The following ZNF229 variants were observed in gnomAD, a reference collection of about 807,000 sequenced individuals.
The protein encoded by ZNF229 is zinc finger protein 229.
A neutral mutation model predicts 11.8 loss-of-function variants in ZNF229; 10 were observed. That is an observed-to-expected ratio of 0.85 (90% CI 0.52 to 1.44). The LOEUF (loss-of-function observed/expected upper bound fraction) is 1.44, where lower values mean the gene tolerates loss of function less well. ZNF229 is among the 40% of genes most tolerant of loss of function. The pLI is 0.00. For missense variants in ZNF229, 1,045 were observed against 1,015.1 expected (o/e 1.03, Z -0.40); for synonymous variants, 368 against 374.8 (o/e 0.98, Z 0.21).
chr19:44,445,219 C>T (rs898517004), intron 2 of ZNF229, among the ~76,000 whole-genome samples: 2 of 152,198 alleles, frequency 1.3e-5, no homozygotes, highest in African/African-American at 4.8e-5. Flanking sequence ...TCCACACCAT[C>T]ATGTCTCACC....
chr19:44,428,675 G>T lies in ZNF229; in HGVS notation c.2106C>A (p.His702Gln), dbSNP rs373616418. The T allele has an allele frequency of 6.2e-7, 1 of 1,610,284 alleles. No homozygotes were observed. Among genetic ancestry groups the T allele is most frequent in the East Asian group, 2.2e-5 (1 of 44,594 alleles). Residue 702 changes from histidine to glutamine, a missense_variant, in exon 6 of 6, where the codon CAC (histidine) becomes CAA (glutamine). His to Gln is a conservative substitution (Grantham distance 24, BLOSUM62 0). Transcript: ENST00000614049. ...GFSYGSNLRT[H>Q]QRLHTGEKPY... ...GTTTCTCTCCTGTGTGCAACCTCTG[G>T]TGGGTGCGAAGATTAGAGCCATAAC...
chr19:44,429,726 T>A lies in ZNF229; in HGVS notation c.1055A>T (p.Asp352Val), dbSNP rs199919052. The A allele has an allele frequency of 2.5e-4, 409 of 1,613,984 alleles. No individual in the cohort carries two copies. The highest frequency in any genetic ancestry group is 3.1e-4 in the Non-Finnish European group (361 of 1,180,032). ...ATACCTGAACCCCTTTCCACAGACA[T>A]CACATCTATAGGGCATGTCTCCCAC... ...APVGDMPYRCDVCGKGFRYKS... is the reference protein window; with the variant it reads ...APVGDMPYRCVVCGKGFRYKS... Residue 352 changes from aspartate (D) to valine (V), a missense_variant, in exon 6 of 6, where the codon GAT (aspartate) becomes GTT (valine). Coordinates refer to ENST00000614049, the MANE Select transcript of ZNF229 (RefSeq NM_014518.4).
intron 5 of ZNF229, 48 bp downstream of exon 5, chr19:44,432,174 T>A (rs761846705): frequency 6.4e-7 from 1 of 1,557,478 alleles, no homozygotes; most frequent in South Asian, 1.2e-5. Flanking sequence ...GCCAAAAATA[T>A]CTTCTCTCCA....
intron 5 of ZNF229, 23 bp downstream of exon 5, chr19:44,432,199 C>G: frequency 6.3e-7 from 1 of 1,599,494 alleles, no homozygotes; most frequent in Non-Finnish European, 8.5e-7. Flanking sequence ...CAAGAACACT[C>G]CAAGAAGTTC....
At position 44,428,256 on chromosome 19, in the gene ZNF229, A is replaced by AGATGGATAGAAAGCTCT. The variant is rs767373168; in HGVS notation, c.*30_*46dup. ...TGGTTTTTCTCCTGTGTTGGCTCTC[A>AGATGGATAGAAAGCTCT]GATGGATAGAAAGCTCTGAGTCCCA... On this transcript the variant is annotated 3_prime_UTR_variant, in exon 6 of 6. Transcript: ENST00000614049. 24 of 1,542,148 alleles carry AGATGGATAGAAAGCTCT rather than the reference A, an allele frequency of 1.6e-5. No homozygotes were observed. Among genetic ancestry groups the AGATGGATAGAAAGCTCT allele is most frequent in the Non-Finnish European group, 1.9e-5 (22 of 1,142,920 alleles).
chr19:44,434,497 G>A (rs1172472276), intron 4 of ZNF229, among the ~76,000 whole-genome samples: 1 of 151,720 alleles, frequency 6.6e-6, no homozygotes, highest in Non-Finnish European at 1.5e-5. Flanking sequence ...TACGAATGGT[G>A]GCCTGTGTTT....
At chr19:44,433,143 T>C (rs987289163) in intron 4 of ZNF229, among the ~76,000 whole-genome samples, 6 of 152,034 alleles carry the variant, frequency 3.9e-5, no homozygotes, top group Non-Finnish European at 8.8e-5. Flanking sequence ...AGCCTCAATC[T>C]CCAGGGTTCA....
In ZNF229 at chr19:44,427,766, C is replaced by T. The variant is rs2734450; in HGVS notation, c.*537G>A. 0.34 allele frequency: 51,789 copies of T among 152,984 alleles called. 9,672 individuals carry two copies. The highest frequency in any genetic ancestry group is 0.56 in the East Asian group (2,920 of 5,172). 9.5% of individuals were successfully genotyped at this position (152,984 alleles called of 1,614,324 possible). On this transcript the variant is annotated 3_prime_UTR_variant, in exon 6 of 6. Coordinates refer to ENST00000614049, the MANE Select transcript of ZNF229 (RefSeq NM_014518.4). The stretch of plus-strand genomic sequence containing the variant: ...TGATAAAAATGTGAGACACACACAT[C>T]ACCCAGATCTGCCAAGAGAACTTTG...
At chr19:44,431,488 G>T (rs1971721897) in intron 5 of ZNF229, among the ~76,000 whole-genome samples, 1 of 152,132 alleles carries the variant, frequency 6.6e-6, no homozygotes, top group African/African-American at 2.4e-5. Context: ...TCTGCCACTG[G>T]CTTGCCTTCT....
intron 4 of ZNF229, among the ~76,000 whole-genome samples, chr19:44,440,774 A>G (rs1971895003): frequency 6.6e-6 from 1 of 150,676 alleles, no homozygotes; most frequent in Non-Finnish European, 1.5e-5. Flanking sequence ...CCCAGGCTGG[A>G]GTAGAGTGGC....
At chr19:44,447,434 T>C (rs1600039265) in intron 2 of ZNF229, 79 bp downstream of exon 2, 1 of 152,138 alleles carries the variant, frequency 6.6e-6, no homozygotes, top group East Asian at 1.9e-4. Flanking sequence ...TGAATGAACA[T>C]TTGTGATATC....
chr19:44,428,980 C>A lies in ZNF229; in HGVS notation c.1801G>T (p.Val601Leu), dbSNP rs372929381. 6.2e-7 allele frequency: 1 copy of A among 1,610,814 alleles called. No homozygotes were observed. The highest frequency in any genetic ancestry group is 1.7e-5 in the Admixed American group (1 of 59,752). ...AAACCCTTCCCACACACGTCACACA[C>A]GTAGGGCCTCTCTCCCGTGTGGACC... is the stretch of plus-strand genomic sequence containing the variant. ...QRVHTGERPY[V>L]CDVCGKGFIY... The change falls in exon 6 of 6, where the codon GTG becomes TTG. Residue 601 changes from valine (V) to leucine (L), a missense_variant. Coordinates refer to ENST00000614049, the MANE Select transcript of ZNF229 (RefSeq NM_014518.4).
intron 4 of ZNF229, among the ~76,000 whole-genome samples, chr19:44,432,632 T>C (rs898773297): frequency 6.6e-6 from 1 of 151,482 alleles, no homozygotes; most frequent in Non-Finnish European, 1.5e-5. Context: ...TAGGTGGGAA[T>C]TGAACAATGA....
At position 44,429,376 on chromosome 19, in the gene ZNF229, C is replaced by T. The variant is rs756113024; in HGVS notation, c.1405G>A (p.Gly469Arg). ...KPYSCGECGK[G>R]FSCSSHLSSH... is the part of the protein sequence containing the mutation. Reference sequence around the variant, plus strand: ...CTGAGGTGGGAGCTGCAGCTGAATCCCTTTCCACACTCGCCACAGCTGTAG... The same window carrying T: ...CTGAGGTGGGAGCTGCAGCTGAATCTCTTTCCACACTCGCCACAGCTGTAG... The change falls in exon 6 of 6, where the codon GGA becomes AGA. Residue 469 changes from glycine (G) to arginine (R), a missense_variant. By Grantham distance (125) the Gly-to-Arg change is moderately radical. Coordinates refer to ENST00000614049, the MANE Select transcript of ZNF229 (RefSeq NM_014518.4). 25 of 1,614,130 alleles carry T rather than the reference C, an allele frequency of 1.5e-5. No individual in the cohort carries two copies. The East Asian group carries it at 4.9e-4, about 32-fold the overall frequency.
intron 4 of ZNF229, among the ~76,000 whole-genome samples, chr19:44,438,989 G>A (rs1317688366): frequency 6.6e-6 from 1 of 152,208 alleles, no homozygotes; most frequent in African/African-American, 2.4e-5. Flanking sequence ...CTTGCAGCTG[G>A]TTGGTCACAA....
At chr19:44,430,858 C>T (rs905037750) in intron 5 of ZNF229, among the ~76,000 whole-genome samples, 1 of 152,156 alleles carries the variant, frequency 6.6e-6, no homozygotes, top group Non-Finnish European at 1.5e-5. Context: ...TAATATCTGA[C>T]ACTATTGTAA....
Position 44,427,461 on chromosome 19 carries a change from AAT to A in ZNF229, c.*840_*841del, listed in dbSNP as rs1971598094. 1 of 151,500 alleles carries A rather than the reference AAT, an allele frequency of 6.6e-6. No homozygotes were observed. The highest frequency in any genetic ancestry group is 1.9e-4 in the East Asian group (1 of 5,138). 9.4% of individuals were successfully genotyped at this position (151,500 alleles called of 1,614,324 possible). A position where few individuals can be genotyped will look rare whatever the true frequency, so the allele number is the denominator to read the frequency against. On this transcript the variant is annotated 3_prime_UTR_variant, in exon 6 of 6. Coordinates refer to ENST00000614049, the MANE Select transcript of ZNF229 (RefSeq NM_014518.4). ...AACCTATTTTTAACCATCTCTAAGA[AAT>A]ATTACTGAGGGACCATATGAAATAC...
rs1404882936 is a variant in ZNF229 at position 44,429,623 on chromosome 19, A to T, written c.1158T>A (p.Phe386Leu). 5.0e-6 allele frequency: 8 copies of T among 1,613,666 alleles called. No homozygotes were observed. Among genetic ancestry groups the T allele is most frequent in the South Asian group, 1.1e-5 (1 of 91,054 alleles). Residue 386 changes from phenylalanine (F) to leucine (L), a missense_variant, in exon 6 of 6, where the codon TTT becomes TTA. By Grantham distance (22) the Phe-to-Leu change is conservative. Coordinates refer to ENST00000614049, the MANE Select transcript of ZNF229 (RefSeq NM_014518.4). ...PYKCEECGKA[F>L]GRSSNLLVHQ... ...GGACAAGCAGGTTTGAACTTCGACC[A>T]AATGCCTTCCCACACTCCTCACATT... is the stretch of plus-strand genomic sequence containing the variant.
chr19:44,428,068 T>G lies in ZNF229; in HGVS notation c.*235A>C, dbSNP rs1254229043. The stretch of plus-strand genomic sequence containing the variant: ...ATTACTGAAACCACTGCTGCACTGT[T>G]TCTTTAAAGCCTACTCCGCTGCACA... On this transcript the variant is annotated 3_prime_UTR_variant, in exon 6 of 6. Transcript: ENST00000614049. The G allele has an allele frequency of 2.1e-6, 1 of 478,006 alleles. No individual in the cohort carries two copies. Among genetic ancestry groups the G allele is most frequent in the African/African-American group, 1.9e-5 (1 of 51,936 alleles). The allele number at this position is 478,006 out of a possible 1,614,324, so 29.6% of individuals were successfully genotyped here.
Sources: allele counts gnomAD v4.1 joint callset (sites outside exome capture counted in the v4.1 genomes callset), GRCh38; gene constraint gnomAD v4.1.1; transcripts MANE v1.5; gene names NCBI Gene and HGNC (gene_info 2026-07-23, HGNC 2026-07-21).